Variants in FYN observed in about 807,000 individuals in gnomAD.
FYN encodes tyrosine-protein kinase Fyn.
FYN carries 10 observed loss-of-function variants against 70.2 expected under a neutral mutation model. The observed-to-expected ratio is 0.14, with a 90% confidence interval of 0.09 to 0.24. The LOEUF (loss-of-function observed/expected upper bound fraction) is 0.24, where lower values mean the gene tolerates loss of function less well. Among genes scored for constraint, FYN ranks in the 10% least tolerant of loss-of-function variants. The pLI is 1.00. For missense variants in FYN, 319 were observed against 673.1 expected (o/e 0.47, Z 5.82); for synonymous variants, 236 against 248.6 (o/e 0.95, Z 0.48).
chr6:111,734,855 C>G (rs1043614378), intron 3 of FYN, among the ~76,000 whole-genome samples: 1 of 152,170 alleles, frequency 6.6e-6, no homozygotes, highest in Admixed American at 6.5e-5. Flanking sequence ...ATATTTTGAT[C>G]CCCTTTATGT....
At chr6:111,689,230 A>C (rs560868020) in intron 12 of FYN, among the ~76,000 whole-genome samples, 1 of 152,336 alleles carries the variant, frequency 6.6e-6, no homozygotes, top group African/African-American at 2.4e-5. Context: ...GCGGACACCA[A>C]GCTTGTAAGT....
At chr6:111,772,108 G>A (rs562179029) in intron 3 of FYN, among the ~76,000 whole-genome samples, 1 of 152,152 alleles carries the variant, frequency 6.6e-6, no homozygotes, top group South Asian at 2.1e-4. Context: ...AGTGAAAAAT[G>A]TTCTACACAT....
intron 2 of FYN, among the ~76,000 whole-genome samples, chr6:111,816,122 A>AT (rs1772482294): frequency 6.6e-6 from 1 of 152,162 alleles, no homozygotes; most frequent in Non-Finnish European, 1.5e-5. Flanking sequence ...ATTTTTAGGC[A>AT]TTTACCTTTA....
chr6:111,699,985 C>T, intron 9 of FYN, 119 bp downstream of exon 9: 1 of 599,148 alleles, frequency 1.7e-6, no homozygotes, highest in Non-Finnish European at 2.7e-6. Flanking sequence ...TTATTCCCCA[C>T]TATTAGTAAT....
chr6:111,789,837 A>ACACGTCTAGC (rs1184710620), intron 2 of FYN, among the ~76,000 whole-genome samples: 1 of 152,204 alleles, frequency 6.6e-6, no homozygotes, highest in African/African-American at 2.4e-5. Context: ...CAGCTGCTGG[A>ACACGTCTAGC]CACGTCTAGC....
At chr6:111,707,756 T>C (rs1005557263) in intron 6 of FYN, among the ~76,000 whole-genome samples, 166 bp downstream of exon 6, 2 of 152,218 alleles carry the variant, frequency 1.3e-5, no homozygotes, top group African/African-American at 4.8e-5. Context: ...AAGTTAATAA[T>C]AGTGCAAGTA....
chr6:111,812,657 G>A (rs1305326745), intron 2 of FYN, among the ~76,000 whole-genome samples: 1 of 142,556 alleles, frequency 7.0e-6, no homozygotes, highest in Non-Finnish European at 1.5e-5. Context: ...GACAGGAGGA[G>A]GCTATAAAGC....
At chr6:111,829,888 T>C (rs929122732) in intron 2 of FYN, among the ~76,000 whole-genome samples, 3 of 152,192 alleles carry the variant, frequency 2.0e-5, no homozygotes, top group African/African-American at 7.2e-5. Context: ...GATCACTGTC[T>C]CCATGCTCCT....
At chr6:111,852,676 G>A (rs1773716829) in intron 1 of FYN, among the ~76,000 whole-genome samples, 1 of 151,732 alleles carries the variant, frequency 6.6e-6, no homozygotes, top group African/African-American at 2.4e-5. Flanking sequence ...AATTTTATTA[G>A]TAAGAGTTAA....
At chr6:111,726,161 T>A (rs1014568937) in intron 3 of FYN, among the ~76,000 whole-genome samples, 7 of 152,222 alleles carry the variant, frequency 4.6e-5, no homozygotes, top group Admixed American at 3.9e-4. Context: ...AACATTTGAT[T>A]TCGGCTTTGC....
intron 2 of FYN, among the ~76,000 whole-genome samples, chr6:111,796,659 T>C (rs1771815142): frequency 6.6e-6 from 1 of 152,154 alleles, no homozygotes; most frequent in Admixed American, 6.5e-5. Context: ...ACTGAGCACA[T>C]ATTATGTGCC....
chr6:111,720,258 C>A (rs1412928703), intron 3 of FYN, among the ~76,000 whole-genome samples, 196 bp from the exon 4 acceptor site: 1 of 152,084 alleles, frequency 6.6e-6, no homozygotes, highest in Non-Finnish European at 1.5e-5. Context: ...GCATTTGTTC[C>A]CCATATGTTC....
At chr6:111,792,233 A>G (rs998446385) in intron 2 of FYN, among the ~76,000 whole-genome samples, 1 of 152,248 alleles carries the variant, frequency 6.6e-6, no homozygotes, top group Non-Finnish European at 1.5e-5. Context: ...TGGCCAATAA[A>G]CATATAAAAA....
rs150682763 is a variant in FYN at position 111,845,185 on chromosome 6, C to G, written c.-82+1404G>C. Among the ~76,000 whole-genome samples the G allele has an allele frequency of 3.9e-5, 6 of 152,344 alleles. No homozygotes were observed. In the East Asian group the frequency reaches 9.6e-4, roughly 24 times the overall value. On this transcript the variant is annotated intron_variant, in intron 2 of 13. Transcript: ENST00000354650. ...CAAGTCCTGCAGTCTGGGGCAAATG[C>G]CAGGCATTTCTTTGGGCTCCAAGGC...
At chr6:111,698,117 T>C (rs115008678) in intron 9 of FYN, among the ~76,000 whole-genome samples, 7,250 of 152,244 alleles carry the variant, frequency 0.048, 484 homozygotes, top group African/African-American at 0.15. Context: ...GCTTTAACTG[T>C]ATTAACTCTT....
At chr6:111,847,855 G>T (rs947060634) in intron 1 of FYN, among the ~76,000 whole-genome samples, 1 of 152,232 alleles carries the variant, frequency 6.6e-6, no homozygotes, top group African/African-American at 2.4e-5. Context: ...AGATGAGCAA[G>T]AGAACCACCA....
At chr6:111,863,082 TG>T (rs1774010400) in intron 1 of FYN, among the ~76,000 whole-genome samples, 1 of 152,220 alleles carries the variant, frequency 6.6e-6, no homozygotes, top group Non-Finnish European at 1.5e-5. Flanking sequence ...CTCCATTCAC[TG>T]GGCTGTTTAG....
intron 8 of FYN, among the ~76,000 whole-genome samples, chr6:111,701,303 C>T (rs1799822617): frequency 1.3e-5 from 2 of 152,146 alleles, no homozygotes; most frequent in African/African-American, 4.8e-5. Context: ...CAGGGAGTGA[C>T]AAAAGCTGAC....
chr6:111,867,530 T>C (rs945711046), intron 1 of FYN, among the ~76,000 whole-genome samples: 1 of 151,358 alleles, frequency 6.6e-6, no homozygotes, highest in Non-Finnish European at 1.5e-5. Context: ...TACCTGCCTA[T>C]GAGCTACTAC....
Sources: allele counts gnomAD v4.1 joint callset (sites outside exome capture counted in the v4.1 genomes callset), GRCh38; gene constraint gnomAD v4.1.1; transcripts MANE v1.5; gene names NCBI Gene and HGNC (gene_info 2026-07-23, HGNC 2026-07-21).